KL: variants seen among roughly 807,000 people sequenced by gnomAD.
The protein encoded by KL is alpha-klotho.
In KL, 62 loss-of-function variants were observed where a neutral mutation model predicts 84.2. The observed-to-expected ratio is 0.74, with a 90% CI of 0.60 to 0.91. The LOEUF is 0.91. Among genes scored for constraint, KL ranks in the 40% least tolerant of loss-of-function variants. The probability of loss-of-function intolerance (pLI) is 0.00; values close to 1 mark genes in which losing one functional copy is unlikely to be tolerated. For missense variants in KL, 1,261 were observed against 1,305.7 expected (o/e 0.97, Z 0.53); for synonymous variants, 528 against 528.0 (o/e 1.00, Z 0.00).
At chr13:33,021,306 G>A (rs1870566190) in intron 1 of KL, among the ~76,000 whole-genome samples, 1 of 152,198 alleles carries the variant, frequency 6.6e-6, no homozygotes, top group African/African-American at 2.4e-5. Flanking sequence ...CATCTGCAGT[G>A]AAAATTTAAG....
chr13:33,060,922 A>C lies in KL; in HGVS notation c.1843A>C (p.Ile615Leu), dbSNP rs1330593822. ...TAACCAGTCCCAGGTGAACCACACCATCCTGCAGTACTATCGCTGCATGGC... is the reference window on the plus strand; with the variant it reads ...TAACCAGTCCCAGGTGAACCACACCCTCCTGCAGTACTATCGCTGCATGGC... The part of the protein sequence containing the change: ...LGNQSQVNHT[I>L]LQYYRCMASE... The change falls in exon 4 of 5, where the codon ATC becomes CTC. Residue 615 changes from isoleucine to leucine, a missense_variant. Transcript: ENST00000380099. 6.2e-7 allele frequency: 1 copy of C among 1,613,816 alleles called. No individual in the cohort carries two copies. The highest frequency in any genetic ancestry group is 1.3e-5 in the African/African-American group (1 of 74,928).
intron 1 of KL, among the ~76,000 whole-genome samples, chr13:33,037,902 C>T (rs534036648): frequency 6.6e-6 from 1 of 152,226 alleles, no homozygotes; most frequent in South Asian, 2.1e-4. Flanking sequence ...AATATTTCTT[C>T]ATGAGCATGT....
intron 1 of KL, among the ~76,000 whole-genome samples, chr13:33,047,545 G>T (rs142289533): frequency 6.6e-6 from 1 of 152,042 alleles, no homozygotes; most frequent in African/African-American, 2.4e-5. Context: ...GGTCAGGCTG[G>T]TCTTGAACTC....
At position 33,044,309 on chromosome 13, in the gene KL, A is replaced by G. The variant is rs140011798; in HGVS notation, c.820-9458A>G. On this transcript the variant is annotated intron_variant, in intron 1 of 4. Coordinates refer to ENST00000380099, the MANE Select transcript of KL (RefSeq NM_004795.4). ...TTTTTCTAGTTATTTTAGCTGTTTTATGTTCTTATTGTATATATTTTAGAA... is the reference window on the plus strand; with the variant it reads ...TTTTTCTAGTTATTTTAGCTGTTTTGTGTTCTTATTGTATATATTTTAGAA... Among the ~76,000 whole-genome samples, 165 of 152,186 alleles carry G rather than the reference A, an allele frequency of 1.1e-3. No individual in the cohort carries two copies. The East Asian group carries it at 0.028, about 26-fold the overall frequency.
chr13:33,063,233 C>T (rs1471811201), intron 4 of KL, among the ~76,000 whole-genome samples: 1 of 151,250 alleles, frequency 6.6e-6, no homozygotes, highest in Admixed American at 6.6e-5. Context: ...ATGGGACAAC[C>T]TTCAGCTTCA....
At chr13:33,045,431 G>T (rs146850418) in intron 1 of KL, among the ~76,000 whole-genome samples, 1 of 152,274 alleles carries the variant, frequency 6.6e-6, no homozygotes, top group East Asian at 1.9e-4. Context: ...TAGGGGTGAA[G>T]CTCTCAGCCT....
chr13:33,051,789 G>A (rs1018863197), intron 1 of KL, among the ~76,000 whole-genome samples: 4 of 152,104 alleles, frequency 2.6e-5, no homozygotes, highest in East Asian at 1.9e-4. Flanking sequence ...CCTGTTCAGC[G>A]CTTATTCTAC....
chr13:33,035,861 ATAAAT>A (rs1871132908), intron 1 of KL, among the ~76,000 whole-genome samples: 1 of 152,222 alleles, frequency 6.6e-6, no homozygotes, highest in African/African-American at 2.4e-5. Flanking sequence ...TTCTGTACAG[ATAAAT>A]TAATGAAGCA....
At position 33,050,740 on chromosome 13, in the gene KL, C is replaced by T. The variant is rs186522742; in HGVS notation, c.820-3027C>T. On this transcript the variant is annotated intron_variant, in intron 1 of 4. Transcript: ENST00000380099. ...CAAATAAGTTTCAACAGGGTTTTGG[C>T]ATGAGGTGAGCAGTTAATCCAAATG... Among the ~76,000 whole-genome samples, 7 of 152,300 alleles carry T rather than the reference C, an allele frequency of 4.6e-5. No homozygotes were observed. The East Asian group carries it at 1.3e-3, about 29-fold the overall frequency.
At position 33,017,045 on chromosome 13, in the gene KL, A is replaced by G; in HGVS notation, c.605A>G (p.Asp202Gly). The G allele has an allele frequency of 1.2e-6, 2 of 1,602,412 alleles. No homozygotes were observed. Among genetic ancestry groups the G allele is most frequent in the South Asian group, 1.1e-5 (1 of 90,476 alleles). The change falls in exon 1 of 5, where the codon GAC becomes GGC. Residue 202 changes from aspartate to glycine, a missense_variant. Transcript: ENST00000380099. ...YHWDLPQRLQ[D>G]AYGGWANRAL... ...TGGGACCTGCCCCAGCGCCTGCAGG[A>G]CGCCTACGGCGGCTGGGCCAACCGC...
intron 1 of KL, among the ~76,000 whole-genome samples, chr13:33,038,428 A>G (rs987930034): frequency 2.0e-5 from 3 of 152,044 alleles, no homozygotes; most frequent in Non-Finnish European, 4.4e-5. Context: ...TTTTCCCCTA[A>G]CCCATCTGCC....
At position 33,016,558 on chromosome 13, in the gene KL, C is replaced by G; in HGVS notation, c.118C>G (p.Gln40Glu). ...GCGTGCGGAGCCGGGCGACGGCGCGCAGACCTGGGCCCGTTTCTCGCGGCC... is the reference window on the plus strand; with the variant it reads ...GCGTGCGGAGCCGGGCGACGGCGCGGAGACCTGGGCCCGTTTCTCGCGGCC... ...RLRAEPGDGAQTWARFSRPPA... is the reference protein window; with the variant it reads ...RLRAEPGDGAETWARFSRPPA... Residue 40 changes from glutamine (Q) to glutamate (E), a missense_variant, in exon 1 of 5, where the codon CAG becomes GAG. Coordinates refer to ENST00000380099, the MANE Select transcript of KL (RefSeq NM_004795.4). 1 of 1,432,536 alleles carries G rather than the reference C, an allele frequency of 7.0e-7. No individual in the cohort carries two copies. Among genetic ancestry groups the G allele is most frequent in the Non-Finnish European group, 9.1e-7 (1 of 1,097,106 alleles). 88.7% of individuals were successfully genotyped at this position (1,432,536 alleles called of 1,614,324 possible). A position where few individuals can be genotyped will look rare whatever the true frequency, so the allele number is the denominator to read the frequency against.
At chr13:33,048,689 T>C (rs1871629924) in intron 1 of KL, among the ~76,000 whole-genome samples, 1 of 152,228 alleles carries the variant, frequency 6.6e-6, no homozygotes, top group African/African-American at 2.4e-5. Context: ...GGGCTTCATT[T>C]GCCTCAGCCA....
chr13:33,062,532 G>T (rs1222013204), intron 4 of KL, among the ~76,000 whole-genome samples: 2 of 151,860 alleles, frequency 1.3e-5, no homozygotes, highest in African/African-American at 2.4e-5. Context: ...AATTATCCAG[G>T]TGTAGTGATG....
Position 33,066,131 on chromosome 13 carries a change from T to A in KL, c.*1945T>A, listed in dbSNP as rs768946667. On this transcript the variant is annotated 3_prime_UTR_variant, in exon 5 of 5. Coordinates refer to ENST00000380099, the MANE Select transcript of KL (RefSeq NM_004795.4). ...TAAATCTGCCTGCAACTTTTTGCCT[T>A]CTTTCATAATCATATGAGTGGTTGC... 1.2e-5 allele frequency: 2 copies of A among 169,078 alleles called. No homozygotes were observed. The highest frequency in any genetic ancestry group is 2.4e-3 in the Middle Eastern group (1 of 410). 10.5% of individuals were successfully genotyped at this position (169,078 alleles called of 1,614,324 possible). A position where few individuals can be genotyped will look rare whatever the true frequency, so the allele number is the denominator to read the frequency against.
rs369885249 is a variant in KL, at chr13:33,064,920, T to A, written c.*734T>A. 8.7e-6 allele frequency: 2 copies of A among 228,660 alleles called. No individual in the cohort carries two copies. Among genetic ancestry groups the A allele is most frequent in the Non-Finnish European group, 1.7e-5 (2 of 115,226 alleles). 14.2% of individuals were successfully genotyped at this position (228,660 alleles called of 1,614,324 possible). ...ACATAGGAAACTTTTGATAAGTATC[T>A]GCGGAAAAACAAACATGAATCCTGT... On this transcript the variant is annotated 3_prime_UTR_variant, in exon 5 of 5. Coordinates refer to ENST00000380099, the MANE Select transcript of KL (RefSeq NM_004795.4).
At chr13:33,025,814 GT>G (rs200257009) in intron 1 of KL, among the ~76,000 whole-genome samples, 5,655 of 148,262 alleles carry the variant, frequency 0.038, 350 homozygotes, top group African/African-American at 0.13. Context: ...AACCTCTCAG[GT>G]TTTTTCCCCC....
At chr13:33,017,498 C>T (rs1246089763) in intron 1 of KL, among the ~76,000 whole-genome samples, 1 of 152,122 alleles carries the variant, frequency 6.6e-6, no homozygotes, top group Non-Finnish European at 1.5e-5. Context: ...GGAAAGGAAG[C>T]GGTGATAGGT....
In KL at chr13:33,022,959, A is replaced by G. The variant is rs543846725; in HGVS notation, c.819+5700A>G. Among the ~76,000 whole-genome samples, 7 of 152,352 alleles carry G rather than the reference A, an allele frequency of 4.6e-5. 1 individual carries two copies. The highest frequency in any genetic ancestry group is 1.7e-4 in the African/African-American group (7 of 41,584). ...GGAGTTTTAAAGAGTGAGGAAGAAC[A>G]GTAAAGATTTTCCTAGGCAGATACG... is the stretch of plus-strand genomic sequence containing the variant. On this transcript the variant is annotated intron_variant, in intron 1 of 4. Coordinates refer to ENST00000380099, the MANE Select transcript of KL (RefSeq NM_004795.4).
Sources: allele counts gnomAD v4.1 joint callset (sites outside exome capture counted in the v4.1 genomes callset), GRCh38; gene constraint gnomAD v4.1.1; transcripts MANE v1.5; gene names NCBI Gene and HGNC (gene_info 2026-07-23, HGNC 2026-07-21).